The following TDRD3 variants were observed in gnomAD, a reference collection of about 807,000 sequenced individuals.
The protein encoded by TDRD3 is tudor domain-containing protein 3.
Under a neutral mutation model 86.7 loss-of-function variants are expected in TDRD3, and 45 were observed. The observed-to-expected ratio is 0.52, with a 90% confidence interval of 0.41 to 0.67. The LOEUF is 0.67. TDRD3 is among the 30% of genes least tolerant of loss of function. TDRD3 has a pLI of 0.00. For missense variants in TDRD3, 814 were observed against 889.0 expected (o/e 0.92, Z 1.07); for synonymous variants, 298 against 301.7 (o/e 0.99, Z 0.13).
At chr13:60,561,552 G>A (rs554312399) in intron 12 of TDRD3, among the ~76,000 whole-genome samples, 18 of 152,218 alleles carry the variant, frequency 1.2e-4, no homozygotes, top group African/African-American at 3.6e-4. Flanking sequence ...GGAATTCTAC[G>A]TGAGATTTCA....
intron 12 of TDRD3, among the ~76,000 whole-genome samples, chr13:60,541,011 A>T (rs556455906): frequency 2.6e-5 from 4 of 152,290 alleles, no homozygotes; most frequent in African/African-American, 9.6e-5. Context: ...TAAGCCTCAA[A>T]TTATTTAACT....
At chr13:60,553,238 A>T (rs911355053) in intron 12 of TDRD3, among the ~76,000 whole-genome samples, 2 of 152,232 alleles carry the variant, frequency 1.3e-5, no homozygotes, top group African/African-American at 2.4e-5. Context: ...AGGATAAGCC[A>T]GGTCACCTCT....
chr13:60,507,282 GTCA>G (rs1360841268), intron 8 of TDRD3, among the ~76,000 whole-genome samples: 2 of 151,866 alleles, frequency 1.3e-5, no homozygotes, highest in Admixed American at 6.6e-5. Context: ...TCAATATGAG[GTCA>G]TCGAGACAGA....
chr13:60,483,290 A>G (rs1380737324), intron 5 of TDRD3, among the ~76,000 whole-genome samples: 1 of 152,152 alleles, frequency 6.6e-6, no homozygotes, highest in Non-Finnish European at 1.5e-5. Context: ...AAATTTTAGT[A>G]TAATTAAAAG....
intron 1 of TDRD3, among the ~76,000 whole-genome samples, chr13:60,422,466 G>A (rs909412963): frequency 3.3e-5 from 5 of 151,962 alleles, no homozygotes; most frequent in Non-Finnish European, 7.4e-5. Context: ...AAACAACCGT[G>A]AACTATAACT....
At chr13:60,483,734 T>C (rs745806277) in intron 5 of TDRD3, 41 bp from the exon 6 acceptor site, 3 of 1,547,552 alleles carry the variant, frequency 1.9e-6, no homozygotes, top group Non-Finnish European at 2.6e-6. Context: ...AATATATTTT[T>C]TATGTATAAC....
At chr13:60,503,997 T>A (rs1357779362) in intron 8 of TDRD3, among the ~76,000 whole-genome samples, 2 of 152,258 alleles carry the variant, frequency 1.3e-5, no homozygotes, top group African/African-American at 4.8e-5. Context: ...AAAACCTTGC[T>A]GTGCTTTTAT....
At chr13:60,507,693 G>T (rs1192744694) in intron 8 of TDRD3, among the ~76,000 whole-genome samples, 2 of 152,106 alleles carry the variant, frequency 1.3e-5, no homozygotes, top group African/African-American at 4.8e-5. Flanking sequence ...AAAGCAATTT[G>T]TAGAGGGAAA....
intron 8 of TDRD3, among the ~76,000 whole-genome samples, chr13:60,508,090 T>C (rs1313639874): frequency 6.6e-6 from 1 of 152,138 alleles, no homozygotes; most frequent in Non-Finnish European, 1.5e-5. Flanking sequence ...CAAGGAGAAC[T>C]AGAAACCATT....
intron 12 of TDRD3, 67 bp from the exon 13 acceptor site, chr13:60,567,458 C>A (rs1595132407): frequency 6.2e-7 from 1 of 1,605,492 alleles, no homozygotes; most frequent in African/African-American, 1.3e-5. Flanking sequence ...AGGGACCATA[C>A]AATTTTTTTT....
At chr13:60,405,305 C>T (rs1594893204) in intron 1 of TDRD3, among the ~76,000 whole-genome samples, 1 of 152,064 alleles carries the variant, frequency 6.6e-6, no homozygotes, top group African/African-American at 2.4e-5. Context: ...TTGTGGCAGG[C>T]ACTTTCTTAG....
rs112335327 is a variant in TDRD3, at chr13:60,523,824, A to G, written c.1142-4543A>G. 8.4e-3 allele frequency among the ~76,000 whole-genome samples: 1,271 copies of G among 152,070 alleles called. 8 individuals carry two copies. Among genetic ancestry groups the G allele is most frequent in the Middle Eastern group, 0.024 (7 of 294 alleles). On this transcript the variant is annotated intron_variant, in intron 10 of 13. Coordinates refer to ENST00000377881, the MANE Select transcript of TDRD3 (RefSeq NM_001146070.2). ...ACTCCTGACCTCAAGTGATCCACCCACCTTGGCATCCCAAAGTGCTGGGAT... is the reference window on the plus strand; with the variant it reads ...ACTCCTGACCTCAAGTGATCCACCCGCCTTGGCATCCCAAAGTGCTGGGAT...
intron 11 of TDRD3, among the ~76,000 whole-genome samples, chr13:60,530,227 G>A (rs951765454): frequency 1.3e-5 from 2 of 152,090 alleles, no homozygotes; most frequent in African/African-American, 4.8e-5. Flanking sequence ...TCTGGTTTCC[G>A]TCTGTAGTCT....
chr13:60,473,797 A>C (rs561357297), intron 5 of TDRD3, among the ~76,000 whole-genome samples: 12 of 152,300 alleles, frequency 7.9e-5, no homozygotes, highest in Non-Finnish European at 1.3e-4. Context: ...AGGCCACTAG[A>C]GGGCTCCCTG....
intron 12 of TDRD3, among the ~76,000 whole-genome samples, chr13:60,554,836 G>T (rs753365342): frequency 6.6e-6 from 1 of 152,134 alleles, no homozygotes; most frequent in Non-Finnish European, 1.5e-5. Flanking sequence ...TCTCCAGATT[G>T]TAATCAGTTC....
At chr13:60,422,035 A>G (rs1173982026) in intron 1 of TDRD3, among the ~76,000 whole-genome samples, 3 of 152,258 alleles carry the variant, frequency 2.0e-5, no homozygotes, top group African/African-American at 7.2e-5. Flanking sequence ...CACATGCCAT[A>G]TAAAGGAATT....
intron 1 of TDRD3, among the ~76,000 whole-genome samples, chr13:60,403,566 G>A (rs1056973980): frequency 1.3e-5 from 2 of 152,176 alleles, no homozygotes; most frequent in Non-Finnish European, 2.9e-5. Context: ...TCATAGCACA[G>A]CAAAGAAAAG....
At chr13:60,418,195 G>A (rs1364875935) in intron 1 of TDRD3, among the ~76,000 whole-genome samples, 1 of 151,954 alleles carries the variant, frequency 6.6e-6, no homozygotes, top group African/African-American at 2.4e-5. Flanking sequence ...TTGCTTGTGG[G>A]TCTCTTATGT....
chr13:60,563,358 G>C (rs935750085), intron 12 of TDRD3, among the ~76,000 whole-genome samples: 7 of 152,078 alleles, frequency 4.6e-5, no homozygotes, highest in African/African-American at 1.7e-4. Context: ...AGTTGGGTCA[G>C]CATTTACATC....
Sources: allele counts gnomAD v4.1 joint callset (sites outside exome capture counted in the v4.1 genomes callset), GRCh38; gene constraint gnomAD v4.1.1; transcripts MANE v1.5; gene names NCBI Gene and HGNC (gene_info 2026-07-23, HGNC 2026-07-21).